Variants in PPP2R5E observed in about 807,000 individuals in gnomAD.
PPP2R5E encodes serine/threonine-protein phosphatase 2A 56 kDa regulatory subunit epsilon isoform.
PPP2R5E carries 4 observed loss-of-function variants against 65.3 expected under a neutral mutation model. The observed-to-expected ratio is 0.06, with a 90% CI of 0.03 to 0.14. PPP2R5E has a LOEUF of 0.14. Ranked by LOEUF, PPP2R5E falls within the 10% of genes least tolerant of loss-of-function variation. The pLI is 1.00. For missense variants in PPP2R5E, 274 were observed against 556.1 expected (o/e 0.49, Z 5.10); for synonymous variants, 183 against 187.4 (o/e 0.98, Z 0.19).
At chr14:63,445,715 G>A (rs562765939) in intron 3 of PPP2R5E, among the ~76,000 whole-genome samples, 5 of 152,142 alleles carry the variant, frequency 3.3e-5, no homozygotes, top group South Asian at 2.1e-4. Flanking sequence ...GGTGGTGAGC[G>A]CCTGTAATCC....
intron 2 of PPP2R5E, among the ~76,000 whole-genome samples, chr14:63,497,735 G>A (rs1222662631): frequency 6.6e-6 from 1 of 150,752 alleles, no homozygotes; most frequent in African/African-American, 2.5e-5. Context: ...GCGACAGAGG[G>A]AGACTCCATC....
intron 2 of PPP2R5E, among the ~76,000 whole-genome samples, chr14:63,456,919 T>A (rs962619764): frequency 1.3e-5 from 2 of 152,192 alleles, no homozygotes; most frequent in African/African-American, 4.8e-5. Context: ...AAGCTGCGAT[T>A]TGTCCTTTAT....
chr14:63,426,951 G>T (rs1470480586), intron 3 of PPP2R5E, among the ~76,000 whole-genome samples: 3 of 152,180 alleles, frequency 2.0e-5, no homozygotes, highest in Non-Finnish European at 2.9e-5. Context: ...TTGGGAAAAG[G>T]CCAGTTGCCT....
At chr14:63,448,155 G>A (rs1888601275) in intron 3 of PPP2R5E, among the ~76,000 whole-genome samples, 1 of 152,036 alleles carries the variant, frequency 6.6e-6, no homozygotes, top group African/African-American at 2.4e-5. Context: ...AAATTAGCCA[G>A]GCGTGGTGGC....
chr14:63,434,474 C>A (rs1275535499), intron 3 of PPP2R5E, among the ~76,000 whole-genome samples: 1 of 152,136 alleles, frequency 6.6e-6, no homozygotes, highest in Non-Finnish European at 1.5e-5. Flanking sequence ...CACAACCTCC[C>A]CAAAAAGAAA....
At chr14:63,381,467 C>T (rs77281697) in intron 13 of PPP2R5E, among the ~76,000 whole-genome samples, 4,094 of 152,100 alleles carry the variant, frequency 0.027, 215 homozygotes, top group African/African-American at 0.094. Context: ...ACCTAAAATA[C>T]CAGTTAAATG....
intron 2 of PPP2R5E, among the ~76,000 whole-genome samples, chr14:63,522,865 G>T (rs1893000070): frequency 1.3e-5 from 2 of 150,870 alleles, no homozygotes; most frequent in Middle Eastern, 3.4e-3. Flanking sequence ...AGGTGGGGGG[G>T]GTCAGCCCCC....
At chr14:63,476,274 G>A (rs577593832) in intron 2 of PPP2R5E, among the ~76,000 whole-genome samples, 1 of 151,192 alleles carries the variant, frequency 6.6e-6, no homozygotes, top group East Asian at 1.9e-4. Context: ...TGTTGTTGTT[G>A]TTCTCATGGA....
intron 2 of PPP2R5E, among the ~76,000 whole-genome samples, chr14:63,468,441 T>C (rs1436987704): frequency 6.6e-6 from 1 of 152,234 alleles, no homozygotes; most frequent in Non-Finnish European, 1.5e-5. Flanking sequence ...GGTAAGATGC[T>C]GACTCAATAG....
intron 7 of PPP2R5E, among the ~76,000 whole-genome samples, chr14:63,394,147 T>A (rs1186789053): frequency 1.4e-5 from 2 of 138,758 alleles, no homozygotes; most frequent in African/African-American, 5.3e-5. Flanking sequence ...AGTGGCCCAA[T>A]CTCAGCTCAC....
At chr14:63,491,813 C>A (rs979582651) in intron 2 of PPP2R5E, among the ~76,000 whole-genome samples, 2 of 152,112 alleles carry the variant, frequency 1.3e-5, no homozygotes, top group Admixed American at 1.3e-4. Flanking sequence ...CACCATTGCA[C>A]TCCAGTCTGG....
intron 2 of PPP2R5E, among the ~76,000 whole-genome samples, chr14:63,526,318 A>G (rs1007385572): frequency 6.6e-6 from 1 of 152,228 alleles, no homozygotes; most frequent in Non-Finnish European, 1.5e-5. Flanking sequence ...TGGAGGCACG[A>G]AAGTATTAGA....
chr14:63,448,787 C>CCAAAAA (rs1888650409), intron 3 of PPP2R5E, among the ~76,000 whole-genome samples: 1 of 86,610 alleles, frequency 1.2e-5, no homozygotes, highest in African/African-American at 3.7e-5. Context: ...AAGACTTCGT[C>CCAAAAA]AAAAAAAAAA....
At position 63,391,106 on chromosome 14, in the gene PPP2R5E, A is replaced by G. The variant is rs573726293; in HGVS notation, c.954+711T>C. On this transcript the variant is annotated intron_variant, in intron 10 of 13. Coordinates refer to ENST00000337537, the MANE Select transcript of PPP2R5E (RefSeq NM_006246.5). ...TGCTCTAGCGTCTATGTACAGTGAC[A>G]GCAAAACCTTCATATTATGAAGGGG... Among the ~76,000 whole-genome samples the G allele has an allele frequency of 5.8e-4, 89 of 152,336 alleles. 1 individual carries two copies. In the South Asian group the frequency reaches 9.1e-3, roughly 16 times the overall value.
chr14:63,451,709 T>C (rs1329841668), intron 3 of PPP2R5E: 1 of 152,008 alleles, frequency 6.6e-6, no homozygotes, highest in East Asian at 1.9e-4. Flanking sequence ...GAACTCTGAA[T>C]TCTGGGTGAT....
chr14:63,400,620 G>A (rs1885694289), intron 5 of PPP2R5E, among the ~76,000 whole-genome samples: 1 of 140,788 alleles, frequency 7.1e-6, no homozygotes, highest in South Asian at 2.3e-4. Flanking sequence ...AGCCCATCAG[G>A]GGAGGTAATG....
chr14:63,385,963 TTG>T (rs1330031741), intron 11 of PPP2R5E, among the ~76,000 whole-genome samples: 10 of 152,168 alleles, frequency 6.6e-5, no homozygotes, highest in African/African-American at 2.4e-4. Context: ...CTGGGCCTGA[TTG>T]GCTCATCTTG....
intron 12 of PPP2R5E, among the ~76,000 whole-genome samples, chr14:63,383,614 A>G (rs560323271): frequency 3.3e-5 from 5 of 152,220 alleles, no homozygotes; most frequent in African/African-American, 9.6e-5. Flanking sequence ...TAGAAATGTG[A>G]TATTTTATAA....
intron 5 of PPP2R5E, among the ~76,000 whole-genome samples, chr14:63,405,828 C>A (rs1886044986): frequency 6.6e-6 from 1 of 152,132 alleles, no homozygotes; most frequent in African/African-American, 2.4e-5. Flanking sequence ...AAAGCCTAGG[C>A]AAGTCTACAT....
Sources: gnomAD v4.1 joint callset for allele counts (sites outside exome capture counted in the v4.1 genomes callset) on GRCh38, gnomAD v4.1.1 for gene constraint, MANE v1.5 for transcripts, NCBI Gene and HGNC (gene_info 2026-07-23, HGNC 2026-07-21) for gene names.